The following FNDC3B variants were observed in gnomAD, a reference collection of about 807,000 sequenced individuals.
FNDC3B encodes the protein fibronectin type III domain-containing protein 3B.
In FNDC3B, 12 loss-of-function variants were observed where a neutral mutation model predicts 151.5. That is an observed-to-expected ratio of 0.08 (90% confidence interval 0.05 to 0.13). The LOEUF is 0.13. Ranked by LOEUF, FNDC3B falls within the 10% of genes least tolerant of loss-of-function variation. The pLI is 1.00. For missense variants in FNDC3B, 1,214 were observed against 1,505.3 expected, an observed-to-expected ratio of 0.81 and a Z score of 3.20; for synonymous variants, 528 against 549.0, an observed-to-expected ratio of 0.96 and a Z score of 0.54.
intron 2 of FNDC3B, among the ~76,000 whole-genome samples, chr3:172,120,804 G>A (rs1192512226): frequency 2.0e-5 from 3 of 152,080 alleles, no homozygotes; most frequent in East Asian, 1.9e-4. Context: ...GTGAAACCCC[G>A]TCTCTACCAA....
intron 3 of FNDC3B, among the ~76,000 whole-genome samples, chr3:172,173,311 G>T (rs1723373667): frequency 6.6e-6 from 1 of 151,994 alleles, no homozygotes; most frequent in South Asian, 2.1e-4. Context: ...TATCGTGGGG[G>T]TCCTAAACTT....
chr3:172,222,848 A>G (rs551415152), intron 3 of FNDC3B, among the ~76,000 whole-genome samples: 1 of 152,294 alleles, frequency 6.6e-6, no homozygotes, highest in South Asian at 2.1e-4. Flanking sequence ...GTAGCAGGGA[A>G]GAAACAGAGG....
At chr3:172,059,254 T>A (rs1717067347) in intron 1 of FNDC3B, among the ~76,000 whole-genome samples, 1 of 150,434 alleles carries the variant, frequency 6.6e-6, no homozygotes, top group Non-Finnish European at 1.5e-5. Flanking sequence ...TCTGAATTTA[T>A]ATTTCACTTA....
intron 3 of FNDC3B, among the ~76,000 whole-genome samples, chr3:172,152,569 T>C (rs990813086): frequency 1.8e-4 from 26 of 140,638 alleles, no homozygotes; most frequent in Non-Finnish European, 3.1e-4. Context: ...ACATTCTCCA[T>C]GGGAAGGGCT....
chr3:172,219,137 A>G (rs1726142013), intron 3 of FNDC3B, among the ~76,000 whole-genome samples: 1 of 152,040 alleles, frequency 6.6e-6, no homozygotes, highest in Non-Finnish European at 1.5e-5. Context: ...AGGGCCTTTG[A>G]CCTCCTCAGT....
chr3:172,303,469 A>C (rs1380862246), intron 9 of FNDC3B, among the ~76,000 whole-genome samples: 1 of 152,252 alleles, frequency 6.6e-6, no homozygotes, highest in African/African-American at 2.4e-5. Flanking sequence ...AGTATGTTAC[A>C]TCGTGCTAGA....
At chr3:172,331,854 C>A (rs1231673737) in intron 13 of FNDC3B, among the ~76,000 whole-genome samples, 1 of 152,200 alleles carries the variant, frequency 6.6e-6, no homozygotes, top group East Asian at 1.9e-4. Flanking sequence ...CCCAATAGAA[C>A]TTTCTGCAGT....
At chr3:172,199,250 G>A (rs1725005689) in intron 3 of FNDC3B, among the ~76,000 whole-genome samples, 1 of 151,560 alleles carries the variant, frequency 6.6e-6, no homozygotes, top group Non-Finnish European at 1.5e-5. Context: ...CGCGATCTCG[G>A]CTCTCTGCAG....
chr3:172,221,009 T>C (rs554097250), intron 3 of FNDC3B, among the ~76,000 whole-genome samples: 14 of 152,370 alleles, frequency 9.2e-5, no homozygotes, highest in Admixed American at 9.1e-4. Flanking sequence ...ATTCACTCCA[T>C]TGATTAAATT....
At position 172,092,177 on chromosome 3, in the gene FNDC3B, C is replaced by G. The variant is rs531200753; in HGVS notation, c.-28-20275C>G. Among the ~76,000 whole-genome samples, 11 of 152,196 alleles carry G rather than the reference C, an allele frequency of 7.2e-5. No individual in the cohort carries two copies. In the East Asian group the frequency reaches 1.9e-3, roughly 27 times the overall value. On this transcript the variant is annotated intron_variant, in intron 1 of 25. Transcript: ENST00000415807. The stretch of plus-strand genomic sequence containing the variant: ...AGCAAACCTCCTATGTCAAACAGAG[C>G]AGCACAGAATGACAGGTCTCTCCAT...
chr3:172,098,386 A>G (rs1719194587), intron 1 of FNDC3B, among the ~76,000 whole-genome samples: 2 of 152,222 alleles, frequency 1.3e-5, no homozygotes, highest in Admixed American at 6.5e-5. Context: ...TGTTAACATG[A>G]TACTACTGAC....
chr3:172,324,948 G>A (rs1299659346), intron 11 of FNDC3B, among the ~76,000 whole-genome samples: 2 of 152,218 alleles, frequency 1.3e-5, no homozygotes, highest in Non-Finnish European at 2.9e-5. Context: ...GAAGCGGAGT[G>A]CAGCTAGGAG....
intron 1 of FNDC3B, among the ~76,000 whole-genome samples, chr3:172,063,378 A>G (rs1202098370): frequency 6.6e-6 from 1 of 152,124 alleles, no homozygotes; most frequent in Non-Finnish European, 1.5e-5. Flanking sequence ...TTTGATAGTG[A>G]TATCTGCCTT....
At position 172,397,479 on chromosome 3, in the gene FNDC3B, C is replaced by G; in HGVS notation, c.*4C>G. ...ACAGTACTTCTTAATGAAGTAAACC[C>G]AACAAAACTAGAGGTATGAATTAAT... On this transcript the variant is annotated 3_prime_UTR_variant, in exon 26 of 26. Transcript: ENST00000415807. 6.4e-7 allele frequency: 1 copy of G among 1,555,828 alleles called. No individual in the cohort carries two copies. The highest frequency in any genetic ancestry group is 8.7e-7 in the Non-Finnish European group (1 of 1,145,342).
At chr3:172,316,377 T>TTG in intron 11 of FNDC3B, 1 of 452,868 alleles carries the variant, frequency 2.2e-6, no homozygotes, top group Non-Finnish European at 4.4e-6. Context: ...GGGAGAAGGA[T>TTG]TGAGGATATA....
intron 2 of FNDC3B, among the ~76,000 whole-genome samples, chr3:172,131,874 GT>G (rs879537283): frequency 1.9e-4 from 28 of 148,814 alleles, no homozygotes; most frequent in South Asian, 1.5e-3. Flanking sequence ...ATTTGCAATA[GT>G]TTTTTTTTTA....
intron 22 of FNDC3B, 97 bp downstream of exon 22, chr3:172,353,180 A>C (rs547363400): frequency 8.3e-7 from 1 of 1,203,580 alleles, no homozygotes; most frequent in South Asian, 1.5e-5. Context: ...GTCATCTCCC[A>C]GCTGTTTCTA....
At chr3:172,082,466 A>G (rs4894803) in intron 1 of FNDC3B, among the ~76,000 whole-genome samples, 49,757 of 152,044 alleles carry the variant, frequency 0.33, 9,240 homozygotes, top group Non-Finnish European at 0.41. Flanking sequence ...TCTAATTATA[A>G]GGACAGCCAA....
In FNDC3B at chr3:172,317,616, G is replaced by A. The variant is rs554177849; in HGVS notation, c.1254+6735G>A. 1.2e-3 allele frequency among the ~76,000 whole-genome samples: 190 copies of A among 152,344 alleles called. 1 individual carries two copies. The highest frequency in any genetic ancestry group is 4.4e-3 in the African/African-American group (182 of 41,564). ...CCTTTCCACTGGAAAAACAGTGTCA[G>A]TTATCTCACGGGTACGTAAGACTGA... On this transcript the variant is annotated intron_variant, in intron 11 of 25. Coordinates refer to ENST00000415807, the MANE Select transcript of FNDC3B (RefSeq NM_022763.4).
Sources: gnomAD v4.1 joint callset for allele counts (sites outside exome capture counted in the v4.1 genomes callset) on GRCh38, gnomAD v4.1.1 for gene constraint, MANE v1.5 for transcripts, NCBI Gene and HGNC (gene_info 2026-07-23, HGNC 2026-07-21) for gene names.